The following STXBP5L variants were observed in gnomAD, a reference collection of about 807,000 sequenced individuals.
STXBP5L encodes syntaxin binding protein 5L, also known as syntaxin-binding protein 5-like.
STXBP5L carries 65 observed loss-of-function variants against 144.5 expected under a neutral mutation model. The ratio of observed to expected loss-of-function variants is 0.45; its 90% CI spans 0.37 to 0.55. The LOEUF is 0.55. STXBP5L is among the 20% of genes least tolerant of loss of function. The pLI is 0.00. For missense variants in STXBP5L, 1,298 were observed against 1,405.5 expected, an observed-to-expected ratio of 0.92 and a Z score of 1.22; for synonymous variants, 505 against 469.6, an observed-to-expected ratio of 1.08 and a Z score of -0.97.
intron 3 of STXBP5L, among the ~76,000 whole-genome samples, chr3:121,018,872 C>A (rs1042260794): frequency 6.6e-6 from 1 of 152,218 alleles, no homozygotes; most frequent in Non-Finnish European, 1.5e-5. Flanking sequence ...AGAGAATCCA[C>A]AGACCCTTTG....
intron 3 of STXBP5L, among the ~76,000 whole-genome samples, chr3:121,034,494 A>G (rs968942852): frequency 9.2e-5 from 14 of 152,042 alleles, no homozygotes; most frequent in Admixed American, 3.9e-4. Context: ...ATTCCATTAT[A>G]TATCTCTCTA....
chr3:121,093,558 G>T (rs144143095), intron 5 of STXBP5L, among the ~76,000 whole-genome samples: 1 of 152,130 alleles, frequency 6.6e-6, no homozygotes, highest in Non-Finnish European at 1.5e-5. Context: ...GTTTATTTGC[G>T]TAGAGCTGTT....
At chr3:121,278,151 C>G (rs2050942507) in intron 18 of STXBP5L, among the ~76,000 whole-genome samples, 1 of 151,878 alleles carries the variant, frequency 6.6e-6, no homozygotes, top group South Asian at 2.1e-4. Flanking sequence ...TTTCCTGTGC[C>G]CAAGCCTGGG....
intron 5 of STXBP5L, among the ~76,000 whole-genome samples, chr3:121,065,038 C>G (rs1047836096): frequency 1.1e-4 from 16 of 151,182 alleles, no homozygotes; most frequent in Non-Finnish European, 1.8e-4. Flanking sequence ...ATTATTGCCT[C>G]CAGCTGCATT....
intron 3 of STXBP5L, among the ~76,000 whole-genome samples, chr3:121,038,401 A>G (rs764363365): frequency 8.6e-5 from 13 of 151,912 alleles, no homozygotes; most frequent in African/African-American, 2.7e-4. Context: ...TTAATTTTCA[A>G]ACATTTGGAG....
chr3:120,984,819 T>C (rs1441300173), intron 3 of STXBP5L, among the ~76,000 whole-genome samples: 1 of 151,980 alleles, frequency 6.6e-6, no homozygotes, highest in Non-Finnish European at 1.5e-5. Context: ...ATAGCCTTTA[T>C]CGTGTTGAGT....
chr3:121,059,135 G>T (rs1221985705), intron 5 of STXBP5L, among the ~76,000 whole-genome samples: 1 of 152,130 alleles, frequency 6.6e-6, no homozygotes, highest in East Asian at 1.9e-4. Context: ...AATCCATCTT[G>T]AGTTAATCTT....
chr3:121,183,623 AAGGG>A (rs2047247698), intron 9 of STXBP5L, among the ~76,000 whole-genome samples: 1 of 150,806 alleles, frequency 6.6e-6, no homozygotes, highest in Admixed American at 6.6e-5. Context: ...AAAAGAAAGG[AAGGG>A]AGGGAGGAAG....
At chr3:121,368,097 T>G (rs2045921456) in intron 20 of STXBP5L, among the ~76,000 whole-genome samples, 1 of 152,104 alleles carries the variant, frequency 6.6e-6, no homozygotes, top group Non-Finnish European at 1.5e-5. Flanking sequence ...CTTTTTTTTC[T>G]GAAATTTCCA....
intron 9 of STXBP5L, among the ~76,000 whole-genome samples, chr3:121,201,073 G>A (rs894074231): frequency 2.0e-5 from 3 of 152,100 alleles, no homozygotes; most frequent in Non-Finnish European, 4.4e-5. Context: ...GTCTAATATT[G>A]ATAGTGGGGT....
chr3:120,916,599 C>G (rs1709115094), intron 2 of STXBP5L, among the ~76,000 whole-genome samples: 1 of 152,138 alleles, frequency 6.6e-6, no homozygotes, highest in Non-Finnish European at 1.5e-5. Context: ...CCGCACCTGG[C>G]AAGTGTTTTA....
At chr3:121,365,161 A>G (rs1040257681) in intron 20 of STXBP5L, among the ~76,000 whole-genome samples, 2 of 151,886 alleles carry the variant, frequency 1.3e-5, no homozygotes, top group Non-Finnish European at 2.9e-5. Flanking sequence ...ATTCTATTTA[A>G]TAGTATTCTA....
chr3:121,220,982 G>A (rs553723048), intron 10 of STXBP5L, among the ~76,000 whole-genome samples: 16 of 152,068 alleles, frequency 1.1e-4, no homozygotes, highest in Admixed American at 7.9e-4. Context: ...TTTATTACTA[G>A]AGGCAATATA....
At chr3:120,928,324 G>A (rs1367025289) in intron 2 of STXBP5L, among the ~76,000 whole-genome samples, 2 of 151,876 alleles carry the variant, frequency 1.3e-5, no homozygotes, top group African/African-American at 2.4e-5. Flanking sequence ...GTGCAGTGGC[G>A]AAATCTCGGC....
intron 11 of STXBP5L, among the ~76,000 whole-genome samples, chr3:121,225,900 G>A (rs2049108366): frequency 6.6e-6 from 1 of 152,160 alleles, no homozygotes; most frequent in Admixed American, 6.6e-5. Context: ...TCTCAGGTTG[G>A]TATAAATTTT....
At chr3:121,355,530 C>T (rs1481923162) in intron 20 of STXBP5L, among the ~76,000 whole-genome samples, 1 of 152,178 alleles carries the variant, frequency 6.6e-6, no homozygotes, top group African/African-American at 2.4e-5. Flanking sequence ...TGGTTTTCAG[C>T]TCCATGAGGT....
At chr3:121,194,852 TTAA>T (rs1446780760) in intron 9 of STXBP5L, among the ~76,000 whole-genome samples, 2 of 151,802 alleles carry the variant, frequency 1.3e-5, no homozygotes, top group Non-Finnish European at 2.9e-5. Flanking sequence ...AATATTGTTA[TTAA>T]TAATACTCCA....
chr3:121,242,757 T>C (rs1046702687), intron 14 of STXBP5L, among the ~76,000 whole-genome samples: 2 of 151,806 alleles, frequency 1.3e-5, no homozygotes, highest in Admixed American at 6.6e-5. Flanking sequence ...TATAACAGCA[T>C]AGACAATTTG....
intron 9 of STXBP5L, among the ~76,000 whole-genome samples, chr3:121,198,044 G>T (rs138816445): frequency 6.6e-6 from 1 of 152,020 alleles, no homozygotes; most frequent in Non-Finnish European, 1.5e-5. Context: ...TGGTGTTTCC[G>T]GTTCTAGATC....
Sources: allele counts gnomAD v4.1 joint callset (sites outside exome capture counted in the v4.1 genomes callset), GRCh38; gene constraint gnomAD v4.1.1; transcripts MANE v1.5; gene names NCBI Gene and HGNC (gene_info 2026-07-23, HGNC 2026-07-21).